The following POLR1D variants were observed in gnomAD, a reference collection of about 807,000 sequenced individuals.
POLR1D encodes the protein DNA-directed RNA polymerases I and III subunit RPAC2.
A neutral mutation model predicts 10.8 loss-of-function variants in POLR1D; 8 were observed. The ratio of observed to expected loss-of-function variants is 0.74; its 90% confidence interval spans 0.43 to 1.33. The LOEUF (loss-of-function observed/expected upper bound fraction) is 1.33, where lower values mean the gene tolerates loss of function less well. Ranked by LOEUF, POLR1D falls within the 40% of genes most tolerant of loss-of-function variation. The pLI, the probability that POLR1D is intolerant of heterozygous loss-of-function variation, is 0.01. For missense variants in POLR1D, 152 were observed against 161.7 expected, an observed-to-expected ratio of 0.94 and a Z score of 0.32; for synonymous variants, 54 against 57.2, an observed-to-expected ratio of 0.94 and a Z score of 0.25.
At chr13:27,659,957 C>G (rs568571687) in intron 2 of POLR1D, among the ~76,000 whole-genome samples, 9 of 151,362 alleles carry the variant, frequency 5.9e-5, no homozygotes, top group African/African-American at 2.2e-4. Context: ...CATACATATA[C>G]AGACAAACAC....
At chr13:27,630,826 T>C (rs1296188624) in intron 1 of POLR1D, among the ~76,000 whole-genome samples, 1 of 152,236 alleles carries the variant, frequency 6.6e-6, no homozygotes, top group African/African-American at 2.4e-5. Flanking sequence ...GGTTGTGTCA[T>C]GTTATCCATA....
intron 2 of POLR1D, among the ~76,000 whole-genome samples, chr13:27,651,807 G>T (rs1023111180): frequency 1.3e-5 from 2 of 152,126 alleles, no homozygotes; most frequent in Non-Finnish European, 2.9e-5. Context: ...AAAAAAATAA[G>T]AATGCCAGCA....
intron 1 of POLR1D, among the ~76,000 whole-genome samples, chr13:27,645,799 A>G (rs989177230): frequency 2.0e-5 from 3 of 152,060 alleles, no homozygotes; most frequent in Admixed American, 6.6e-5. Context: ...TCTCATACAT[A>G]TATCTTCTTT....
In POLR1D at chr13:27,629,745, G is replaced by A. The variant is rs900943646; in HGVS notation, c.26+7736G>A. ...AAATTAAGATTCTGATGGAACATTCGTAATCATCCTTAAGCTTTAAGATAA... is the reference window on the plus strand; with the variant it reads ...AAATTAAGATTCTGATGGAACATTCATAATCATCCTTAAGCTTTAAGATAA... On this transcript the variant is annotated intron_variant, in intron 1 of 2. Transcript: ENST00000399697. Among the ~76,000 whole-genome samples, 7 of 152,128 alleles carry A rather than the reference G, an allele frequency of 4.6e-5. 1 individual carries two copies. The highest frequency in any genetic ancestry group is 1.3e-4 in the Admixed American group (2 of 15,272).
chr13:27,626,933 G>A (rs918840600), downstream of POLR1D, among the ~76,000 whole-genome samples: 2 of 152,206 alleles, frequency 1.3e-5, no homozygotes, highest in Non-Finnish European at 2.9e-5. Context: ...GGTCTCTTCA[G>A]TACTGACCCA....
At chr13:27,654,045 G>A (rs974913427) in intron 2 of POLR1D, among the ~76,000 whole-genome samples, 5 of 152,154 alleles carry the variant, frequency 3.3e-5, no homozygotes, top group African/African-American at 4.8e-5. Context: ...CCCCTTGAAC[G>A]CTCCTTACAG....
At chr13:27,649,061 C>T (rs537386594) in intron 2 of POLR1D, among the ~76,000 whole-genome samples, 1 of 151,886 alleles carries the variant, frequency 6.6e-6, no homozygotes, top group African/African-American at 2.4e-5. Context: ...TTCATCTCTA[C>T]AAAACAAACC....
chr13:27,647,734 T>C (rs983417834), intron 1 of POLR1D, among the ~76,000 whole-genome samples: 1 of 152,192 alleles, frequency 6.6e-6, no homozygotes, highest in Admixed American at 6.5e-5. Context: ...TCAGTAAATA[T>C]TTAAGTTTTC....
chr13:27,620,778 C>G (rs1473398207), upstream of POLR1D: 2 of 153,372 alleles, frequency 1.3e-5, no homozygotes, highest in African/African-American at 2.4e-5. Flanking sequence ...CCACTCGCCC[C>G]GGGCTGTCCC....
Position 27,621,893 on chromosome 13 carries a change from C to T in POLR1D, c.-91C>T. 3 of 1,407,864 alleles carry T rather than the reference C, an allele frequency of 2.1e-6. No homozygotes were observed. Among genetic ancestry groups the T allele is most frequent in the South Asian group, 2.5e-5 (2 of 81,392 alleles). The allele number at this position is 1,407,864 out of a possible 1,614,324, so 87.2% of individuals were successfully genotyped here. ...CCTCCGCGCCTTCCGTCGGTCGGTC[C>T]TTGCTTCCTGCTTCGCCTCCGCGCC... On this transcript the variant is annotated 5_prime_UTR_variant, in exon 1 of 2. Transcript: ENST00000302979.
chr13:27,650,001 C>T (rs1593289467), intron 2 of POLR1D: 1 of 398,362 alleles, frequency 2.5e-6, no homozygotes, highest in East Asian at 3.6e-5. Context: ...ACTGGAAGAA[C>T]TCACACAATT....
intron 2 of POLR1D, among the ~76,000 whole-genome samples, chr13:27,655,335 C>T (rs903922070): frequency 6.6e-6 from 1 of 152,186 alleles, no homozygotes; most frequent in African/African-American, 2.4e-5. Context: ...AATTCTTCAG[C>T]ATGCAGATCT....
intron 1 of POLR1D, among the ~76,000 whole-genome samples, chr13:27,641,113 G>A (rs2138545878): frequency 6.6e-6 from 1 of 152,158 alleles, no homozygotes; most frequent in Middle Eastern, 3.4e-3. Flanking sequence ...AGATACAGAG[G>A]GCCGATTGTA....
Position 27,663,631 on chromosome 13 carries a change from T to C in POLR1D, c.102-2055T>C, listed in dbSNP as rs80289540. Reference sequence around the variant, plus strand: ...ATTTGGTTTTAAAGATGATCTGACATTGAAAACAGCAAAATAGAGTGGAAT... The same window carrying C: ...ATTTGGTTTTAAAGATGATCTGACACTGAAAACAGCAAAATAGAGTGGAAT... On this transcript the variant is annotated intron_variant, in intron 2 of 2. Transcript: ENST00000399697. This position sits in a 1 kb window ranked among gnomAD's most constrained non-coding sequence, Gnocchi z 4.1. Among the ~76,000 whole-genome samples, 259 of 152,312 alleles carry C rather than the reference T, an allele frequency of 1.7e-3. 2 individuals carry two copies. The highest frequency in any genetic ancestry group is 5.9e-3 in the African/African-American group (244 of 41,572).
intron 1 of POLR1D, among the ~76,000 whole-genome samples, chr13:27,631,955 A>G (rs1251239920): frequency 2.0e-5 from 3 of 152,188 alleles, no homozygotes; most frequent in Non-Finnish European, 4.4e-5. Context: ...ATTGAGTGGG[A>G]CAAGGAACCA....
At chr13:27,637,885 C>T (rs1433567648) in intron 1 of POLR1D, among the ~76,000 whole-genome samples, 1 of 152,092 alleles carries the variant, frequency 6.6e-6, no homozygotes. Context: ...CCCCCATCAG[C>T]CTCCTGAGTA....
exon 2 of POLR1D, chr13:27,648,380 A>C (rs1448031546): frequency 6.3e-7 from 1 of 1,597,636 alleles, no homozygotes; most frequent in Non-Finnish European, 8.6e-7. Flanking sequence ...TCTTATCAGG[A>C]AAGCAATAGA....
chr13:27,622,108 G>A (rs1233674916), intron 1 of POLR1D, 99 bp downstream of exon 1: 6 of 1,008,868 alleles, frequency 5.9e-6, no homozygotes, highest in Non-Finnish European at 9.2e-6. Context: ...GCCTGACTCG[G>A]GGCGCAGAGA....
intron 2 of POLR1D, chr13:27,651,652 T>C (rs1956268378): frequency 6.6e-6 from 1 of 152,148 alleles, no homozygotes; most frequent in South Asian, 2.1e-4. Context: ...AAAAAAATGC[T>C]CAGCTTTAAT....
Sources: gnomAD v4.1 joint callset for allele counts (sites outside exome capture counted in the v4.1 genomes callset) on GRCh38, gnomAD v4.1.1 for gene constraint, Gnocchi (gnomAD v3.1) non-coding constraint, MANE v1.5 for transcripts, NCBI Gene and HGNC (gene_info 2026-07-23, HGNC 2026-07-21) for gene names.